Variants in SYT1 observed in about 807,000 individuals in gnomAD.
The protein encoded by SYT1 is synaptotagmin-1.
Under a neutral mutation model 44.8 loss-of-function variants are expected in SYT1, and 8 were observed. The observed-to-expected ratio is 0.18, with a 90% confidence interval of 0.10 to 0.32. SYT1 has a LOEUF of 0.32. Among genes scored for constraint, SYT1 ranks in the 10% least tolerant of loss-of-function variants. SYT1 has a pLI of 1.00. For synonymous variants in SYT1, 154 were observed against 188.8 expected, an observed-to-expected ratio of 0.82 and a Z score of 1.51; for missense variants, 286 against 509.3, an observed-to-expected ratio of 0.56 and a Z score of 4.22.
chr12:78,956,682 G>C (rs1879236590), intron 1 of SYT1, among the ~76,000 whole-genome samples: 2 of 151,940 alleles, frequency 1.3e-5, no homozygotes, highest in Non-Finnish European at 2.9e-5. Flanking sequence ...ATTGAGATTT[G>C]ACTCCGTATA....
chr12:78,902,774 G>T lies in SYT1; in HGVS notation c.-217+37665G>T, dbSNP rs557761955. On this transcript the variant is annotated intron_variant, in intron 1 of 10. Coordinates refer to ENST00000261205, the MANE Select transcript of SYT1 (RefSeq NM_005639.3). ...GTAAAGCAGAAGTAAATTGATAGTT[G>T]GTTATTTTACTGGCAACTGTGTTTT... Among the ~76,000 whole-genome samples the T allele has an allele frequency of 1.6e-4, 25 of 152,110 alleles. No homozygotes were observed. In the East Asian group the frequency reaches 4.8e-3, roughly 29 times the overall value.
At chr12:79,386,330 AG>A in intron 9 of SYT1, among the ~76,000 whole-genome samples, 1 of 149,322 alleles carries the variant, frequency 6.7e-6, no homozygotes, top group East Asian at 2.0e-4. Context: ...TTCCTTCCTT[AG>A]TATTCATTAG....
At chr12:78,944,667 G>C (rs1878560499) in intron 1 of SYT1, among the ~76,000 whole-genome samples, 1 of 152,096 alleles carries the variant, frequency 6.6e-6, no homozygotes, top group African/African-American at 2.4e-5. Context: ...TTACAGAACA[G>C]AAATAAAATT....
At chr12:79,431,114 A>T (rs1446921067) in intron 9 of SYT1, among the ~76,000 whole-genome samples, 1 of 152,248 alleles carries the variant, frequency 6.6e-6, no homozygotes, top group Non-Finnish European at 1.5e-5. Flanking sequence ...CAGAATGCCC[A>T]CAATTCTAGA....
intron 2 of SYT1, chr12:79,036,693 T>A (rs991198018): frequency 2.0e-5 from 3 of 151,850 alleles, no homozygotes; most frequent in African/African-American, 7.2e-5. Context: ...CTCCTTTATA[T>A]TAAAGCCCCT....
At chr12:79,328,567 C>T (rs1436666161) in intron 8 of SYT1, among the ~76,000 whole-genome samples, 1 of 152,194 alleles carries the variant, frequency 6.6e-6, no homozygotes, top group Non-Finnish European at 1.5e-5. Context: ...TTACTCATGG[C>T]CGGGTGCGGT....
At chr12:79,101,882 G>A (rs1474303215) in intron 3 of SYT1, among the ~76,000 whole-genome samples, 2 of 151,970 alleles carry the variant, frequency 1.3e-5, no homozygotes, top group African/African-American at 4.8e-5. Context: ...TTCCAGCCTA[G>A]GTGACAGAGT....
At chr12:79,131,481 T>G (rs1305929163) in intron 3 of SYT1, among the ~76,000 whole-genome samples, 1 of 152,176 alleles carries the variant, frequency 6.6e-6, no homozygotes, top group African/African-American at 2.4e-5. Context: ...TTAGAGATGA[T>G]GTACTTTAGG....
In SYT1 at chr12:78,931,230, A is replaced by AG. The variant is rs1221149198; in HGVS notation, c.-216-46568dup. 1.3e-3 allele frequency among the ~76,000 whole-genome samples: 73 copies of AG among 58,364 alleles called. 2 individuals carry two copies. The highest frequency in any genetic ancestry group is 4.0e-3 in the African/African-American group (40 of 10,018). The allele number at this position is 58,364 out of a possible 152,430, so 38.3% of individuals were successfully genotyped here. ...AAGAAAGAAAGAAAGAAAGAAAGAA[A>AG]GAAAGAAAGAAGGAAGGAAGGAAGG... On this transcript the variant is annotated intron_variant, in intron 1 of 10. Transcript: ENST00000261205.
chr12:79,353,343 C>T (rs1037899339), intron 8 of SYT1, among the ~76,000 whole-genome samples, 159 bp from the exon 9 acceptor site: 2 of 151,798 alleles, frequency 1.3e-5, no homozygotes, highest in African/African-American at 4.8e-5. Context: ...CTCTTGATAC[C>T]TTAGTCAATG....
rs147255522 is a variant in SYT1, at chr12:79,162,413, C to T, written c.-17-55090C>T. ...TTATATTCTCGAAATTTAATATTTC[C>T]AATTCCTTCAACGGTTTATGTTGCT... On this transcript the variant is annotated intron_variant, in intron 3 of 10. Transcript: ENST00000261205. 8.2e-3 allele frequency among the ~76,000 whole-genome samples: 1,253 copies of T among 152,156 alleles called. 13 individuals carry two copies. Among genetic ancestry groups the T allele is most frequent in the Non-Finnish European group, 0.013 (874 of 67,976 alleles).
chr12:79,413,672 G>C lies in SYT1; in HGVS notation c.929-30401G>C, dbSNP rs537927304. Among the ~76,000 whole-genome samples the C allele has an allele frequency of 5.9e-5, 9 of 152,188 alleles. No individual in the cohort carries two copies. The South Asian group carries it at 1.9e-3, about 32-fold the overall frequency. On this transcript the variant is annotated intron_variant, in intron 9 of 10. Transcript: ENST00000261205. ...GCTTCTGTGTTGTATAAAATACTCT[G>C]GAGTAGTTAATTCTTTGCAAGTTTT...
intron 1 of SYT1, among the ~76,000 whole-genome samples, chr12:78,889,349 T>C (rs921383324): frequency 6.6e-6 from 1 of 151,930 alleles, no homozygotes; most frequent in African/African-American, 2.4e-5. Context: ...TAAGATTCAC[T>C]CACTACACTG....
At chr12:79,250,781 C>T (rs1877161626) in intron 4 of SYT1, among the ~76,000 whole-genome samples, 2 of 152,172 alleles carry the variant, frequency 1.3e-5, no homozygotes, top group Admixed American at 1.3e-4. Context: ...AAGTAGCCAC[C>T]TACCCTGGCT....
At position 78,931,378 on chromosome 12, in the gene SYT1, A is replaced by AG. The variant is rs1239363044; in HGVS notation, c.-216-46421_-216-46420insG. Among the ~76,000 whole-genome samples the AG allele has an allele frequency of 4.0e-4, 39 of 98,722 alleles. 1 individual carries two copies. In the East Asian group the frequency reaches 0.014, roughly 36 times the overall value. The allele number at this position is 98,722 out of a possible 152,430, so 64.8% of individuals were successfully genotyped here. The stretch of plus-strand genomic sequence containing the variant: ...GAAGGAAGGAAGGAAGGAAGGAAGG[A>AG]AGGAAGGAAGGAAGGAAGGGAGGAG... On this transcript the variant is annotated intron_variant, in intron 1 of 10. Transcript: ENST00000261205.
intron 3 of SYT1, among the ~76,000 whole-genome samples, chr12:79,079,684 C>T (rs547792290): frequency 9.9e-5 from 15 of 151,996 alleles, no homozygotes; most frequent in African/African-American, 2.2e-4. Flanking sequence ...GAAACATGCA[C>T]GTTATGTTAT....
At chr12:79,260,750 G>A (rs563393375) in intron 4 of SYT1, among the ~76,000 whole-genome samples, 226 of 151,330 alleles carry the variant, frequency 1.5e-3, no homozygotes, top group Middle Eastern at 3.5e-3. Context: ...ACATCTAAGC[G>A]TTAGATTATT....
intron 9 of SYT1, among the ~76,000 whole-genome samples, chr12:79,434,092 A>G (rs1165830453): frequency 6.6e-6 from 1 of 152,212 alleles, no homozygotes; most frequent in Non-Finnish European, 1.5e-5. Flanking sequence ...TTAATTCATA[A>G]TAACAACAGT....
intron 2 of SYT1, among the ~76,000 whole-genome samples, chr12:79,037,978 A>G (rs1482618788): frequency 6.6e-6 from 1 of 151,678 alleles, no homozygotes; most frequent in Non-Finnish European, 1.5e-5. Context: ...ATTTTTGTTT[A>G]ATATTTTTAA....
Sources: gnomAD v4.1 joint callset for allele counts (sites outside exome capture counted in the v4.1 genomes callset) on GRCh38, gnomAD v4.1.1 for gene constraint, MANE v1.5 for transcripts, NCBI Gene and HGNC (gene_info 2026-07-23, HGNC 2026-07-21) for gene names.